PSMA1: variants seen among roughly 807,000 people sequenced by gnomAD.
PSMA1 encodes the protein proteasome subunit alpha type-1.
Under a neutral mutation model 38.4 loss-of-function variants are expected in PSMA1, and 3 were observed. The ratio of observed to expected loss-of-function variants is 0.08; its 90% CI spans 0.04 to 0.20. The LOEUF (loss-of-function observed/expected upper bound fraction) is 0.20. PSMA1 is among the 10% of genes least tolerant of loss of function. The probability of loss-of-function intolerance (pLI) is 1.00; values close to 1 mark genes in which losing one functional copy is unlikely to be tolerated. For missense variants in PSMA1, 227 were observed against 325.3 expected (o/e 0.70, Z 2.32); for synonymous variants, 101 against 107.1 (o/e 0.94, Z 0.35).
At chr11:14,602,502 ATATATG>A (rs1260421624) in intron 2 of PSMA1, among the ~76,000 whole-genome samples, 2 of 152,110 alleles carry the variant, frequency 1.3e-5, no homozygotes, top group African/African-American at 4.8e-5. Context: ...ACTGATTTCT[ATATATG>A]TATATGTATA....
intron 1 of PSMA1, among the ~76,000 whole-genome samples, chr11:14,640,672 C>A (rs1040809551): frequency 1.3e-5 from 2 of 152,206 alleles, no homozygotes; most frequent in Non-Finnish European, 2.9e-5. Context: ...AGAGTCGCTA[C>A]TGCACACAGA....
chr11:14,565,577 T>C (rs1852060839), intron 2 of PSMA1, among the ~76,000 whole-genome samples: 2 of 152,228 alleles, frequency 1.3e-5, no homozygotes, highest in Non-Finnish European at 2.9e-5. Context: ...GTGTATCTGC[T>C]ATGTTTATAG....
chr11:14,583,050 C>G (rs1054289227), intron 2 of PSMA1, among the ~76,000 whole-genome samples: 2 of 152,150 alleles, frequency 1.3e-5, no homozygotes, highest in African/African-American at 2.4e-5. Flanking sequence ...TTTAAAAGGC[C>G]ATGTTTTATT....
Position 14,589,341 on chromosome 11 carries a change from A to G in PSMA1, c.21+21625T>C, listed in dbSNP as rs568537732. ...TGCATTAGGGAAGATATATATATAT[A>G]TGTGTGTGTGTATATATATATATAT... On this transcript the variant is annotated intron_variant, in intron 2 of 10. Transcript: ENST00000418988. Among the ~76,000 whole-genome samples the G allele has an allele frequency of 3.5e-3, 514 of 146,788 alleles. 2 individuals carry two copies. Among genetic ancestry groups the G allele is most frequent in the Non-Finnish European group, 5.1e-3 (344 of 67,070 alleles).
At chr11:14,603,633 C>T (rs1393348691) in intron 2 of PSMA1, among the ~76,000 whole-genome samples, 2 of 152,290 alleles carry the variant, frequency 1.3e-5, no homozygotes, top group African/African-American at 2.4e-5. Context: ...TCAAATATTC[C>T]TAGCTAATTA....
At chr11:14,566,574 G>A (rs1204138362) in intron 2 of PSMA1, among the ~76,000 whole-genome samples, 2 of 152,172 alleles carry the variant, frequency 1.3e-5, no homozygotes, top group Admixed American at 6.6e-5. Flanking sequence ...CAATAGGCTG[G>A]ACATTGGCCT....
Position 14,514,319 on chromosome 11 carries a change from A to G in PSMA1, c.343+84T>C, listed in dbSNP as rs747760157. ...GTTTTCACAATCTTACCTATGTCATATTATTATTATATTCCTAATAATTAA... is the reference window on the plus strand; with the variant it reads ...GTTTTCACAATCTTACCTATGTCATGTTATTATTATATTCCTAATAATTAA... On this transcript the variant is annotated intron_variant, in intron 5 of 9. Coordinates refer to ENST00000396394, the MANE Select transcript of PSMA1 (RefSeq NM_002786.4). 8.3e-6 allele frequency: 12 copies of G among 1,439,988 alleles called. 1 individual carries two copies. The South Asian group carries it at 1.5e-4, about 18-fold the overall frequency. The allele number at this position is 1,439,988 out of a possible 1,614,324, so 89.2% of individuals were successfully genotyped here. A position where few individuals can be genotyped will look rare whatever the true frequency, so the allele number is the denominator to read the frequency against.
chr11:14,565,059 A>G (rs1017036851), intron 2 of PSMA1, among the ~76,000 whole-genome samples: 7 of 152,186 alleles, frequency 4.6e-5, no homozygotes, highest in Admixed American at 2.0e-4. Context: ...GATTACAGGC[A>G]TGAGCCACAG....
At chr11:14,613,496 T>C (rs1590011160) in intron 1 of PSMA1, among the ~76,000 whole-genome samples, 1 of 152,032 alleles carries the variant, frequency 6.6e-6, no homozygotes, top group South Asian at 2.1e-4. Flanking sequence ...TCAGGTGATC[T>C]GCCCACCTCG....
intron 2 of PSMA1, among the ~76,000 whole-genome samples, chr11:14,571,619 A>T (rs1233213514): frequency 6.6e-6 from 1 of 152,218 alleles, no homozygotes; most frequent in Non-Finnish European, 1.5e-5. Flanking sequence ...CGAGCAAAAT[A>T]ACCAGCTAAC....
At chr11:14,637,073 A>G (rs573372237) in intron 1 of PSMA1, among the ~76,000 whole-genome samples, 1 of 152,218 alleles carries the variant, frequency 6.6e-6, no homozygotes, top group Admixed American at 6.5e-5. Context: ...GTTCCTTACC[A>G]CCTACAGAAT....
chr11:14,535,159 G>GTT (rs57779498), intron 2 of PSMA1, among the ~76,000 whole-genome samples: 9,871 of 148,174 alleles, frequency 0.067, 957 homozygotes, highest in African/African-American at 0.2. Context: ...AGAAGCTAAG[G>GTT]TTTTTTTTTT....
At chr11:14,567,846 G>A (rs1490759388) in intron 2 of PSMA1, among the ~76,000 whole-genome samples, 1 of 152,172 alleles carries the variant, frequency 6.6e-6, no homozygotes, top group Non-Finnish European at 1.5e-5. Context: ...GCTGTCTGGT[G>A]TTCCTGAGAG....
At chr11:14,606,586 T>C (rs1565057015) in intron 2 of PSMA1, among the ~76,000 whole-genome samples, 1 of 152,236 alleles carries the variant, frequency 6.6e-6, no homozygotes, top group Non-Finnish European at 1.5e-5. Flanking sequence ...TACTGATGTA[T>C]TCAGTAATTG....
chr11:14,638,636 C>T (rs1853158726), intron 1 of PSMA1, among the ~76,000 whole-genome samples: 1 of 108,370 alleles, frequency 9.2e-6, no homozygotes, highest in Admixed American at 1.2e-4. Context: ...TGCTTGTTGG[C>T]TCCATTTGGA....
chr11:14,625,745 T>C (rs942293071), intron 1 of PSMA1, among the ~76,000 whole-genome samples: 1 of 152,252 alleles, frequency 6.6e-6, no homozygotes, highest in African/African-American at 2.4e-5. Flanking sequence ...ACTTTCCCTA[T>C]TGTGAGACTT....
chr11:14,636,361 T>A (rs1272106060), intron 1 of PSMA1, among the ~76,000 whole-genome samples: 4 of 152,206 alleles, frequency 2.6e-5, no homozygotes, highest in Non-Finnish European at 5.9e-5. Context: ...AACTTCCTCA[T>A]TTTGGTTTGT....
At chr11:14,592,576 G>A (rs7943875) in intron 2 of PSMA1, among the ~76,000 whole-genome samples, 17,420 of 151,898 alleles carry the variant, frequency 0.11, 1,222 homozygotes, top group African/African-American at 0.2. Flanking sequence ...TAGTAGAGAC[G>A]GGGTTTCACC....
intron 2 of PSMA1, among the ~76,000 whole-genome samples, chr11:14,535,060 C>T (rs1024795678): frequency 2.0e-5 from 3 of 151,904 alleles, no homozygotes; most frequent in Non-Finnish European, 4.4e-5. Context: ...GGCGACAGAA[C>T]GAGACTCCAT....
Sources: gnomAD v4.1 joint callset for allele counts (sites outside exome capture counted in the v4.1 genomes callset) on GRCh38, gnomAD v4.1.1 for gene constraint, MANE v1.5 for transcripts, NCBI Gene and HGNC (gene_info 2026-07-23, HGNC 2026-07-21) for gene names.